TNNI3K: variants seen among roughly 807,000 people sequenced by gnomAD.
The protein encoded by TNNI3K is TNNI3 interacting kinase, also known as serine/threonine-protein kinase TNNI3K.
Under a neutral mutation model 114.5 loss-of-function variants are expected in TNNI3K, and 140 were observed. The ratio of observed to expected loss-of-function variants is 1.22; its 90% CI spans 1.07 to 1.41. TNNI3K has a LOEUF of 1.41. Among genes scored for constraint, TNNI3K ranks in the 40% most tolerant of loss-of-function variants. The probability of loss-of-function intolerance (pLI) is 0.00; values close to 1 mark genes in which losing one functional copy is unlikely to be tolerated. For missense variants in TNNI3K, 1,125 were observed against 1,007.6 expected (o/e 1.12, Z -1.58); for synonymous variants, 347 against 347.5 (o/e 1.00, Z 0.02).
At chr1:74,463,371 T>G (rs1570652310) in intron 20 of TNNI3K, 70 bp from the exon 21 acceptor site, 2 of 1,524,600 alleles carry the variant, frequency 1.3e-6, no homozygotes, top group Non-Finnish European at 1.8e-6. Flanking sequence ...TTTTTGTGTG[T>G]GTGTGTCTTC....
chr1:74,304,857 C>G (rs1421313370), intron 5 of TNNI3K, among the ~76,000 whole-genome samples: 2 of 152,112 alleles, frequency 1.3e-5, no homozygotes, highest in Non-Finnish European at 2.9e-5. Flanking sequence ...CACTGGGAAA[C>G]TAAAAAATGT....
chr1:74,244,540 A>G (rs891416550), intron 2 of TNNI3K, among the ~76,000 whole-genome samples: 1 of 151,200 alleles, frequency 6.6e-6, no homozygotes, highest in Non-Finnish European at 1.5e-5. Flanking sequence ...GGCATCTTGT[A>G]TTTTCTGTTT....
At chr1:74,451,233 C>A (rs959110520) in intron 20 of TNNI3K, among the ~76,000 whole-genome samples, 1 of 151,890 alleles carries the variant, frequency 6.6e-6, no homozygotes, top group African/African-American at 2.4e-5. Flanking sequence ...ACAATGCATA[C>A]TGGGGCCTGT....
At chr1:74,449,631 A>G (rs543515571) in intron 20 of TNNI3K, among the ~76,000 whole-genome samples, 3 of 151,862 alleles carry the variant, frequency 2.0e-5, no homozygotes, top group Admixed American at 1.3e-4. Flanking sequence ...CAGACTTTAA[A>G]CCAACAAAGA....
At chr1:74,255,564 C>T (rs1300656132) in intron 4 of TNNI3K, among the ~76,000 whole-genome samples, 3 of 152,122 alleles carry the variant, frequency 2.0e-5, no homozygotes, top group African/African-American at 7.2e-5. Flanking sequence ...TATTTAATAC[C>T]ACATGAATGA....
At position 74,249,484 on chromosome 1, in the gene TNNI3K, A is replaced by C; in HGVS notation, c.175A>C (p.Asn59His). The C allele has an allele frequency of 6.2e-7, 1 of 1,613,652 alleles. No homozygotes were observed. Among genetic ancestry groups the C allele is most frequent in the Non-Finnish European group, 8.5e-7 (1 of 1,179,808 alleles). The stretch of plus-strand genomic sequence containing the variant: ...CTCTGATGAAGCCTTCAGTAAAGTC[A>C]ATTTAAATTACCGCACTGAAAATGG... ...FGSDEAFSKV[N>H]LNYRTENGLS... The change falls in exon 3 of 25, where the codon AAT (asparagine) becomes CAT (histidine). Residue 59 changes from asparagine to histidine, a missense_variant. Coordinates refer to ENST00000326637, the MANE Select transcript of TNNI3K (RefSeq NM_015978.3).
At chr1:74,483,392 G>A (rs532842609) in intron 21 of TNNI3K, 1 of 716,442 alleles carries the variant, frequency 1.4e-6, no homozygotes, top group South Asian at 1.5e-5. Flanking sequence ...GGAAAGTAGA[G>A]GGCAATGTAT....
chr1:74,395,153 A>G (rs1664013675), intron 17 of TNNI3K, among the ~76,000 whole-genome samples: 1 of 152,138 alleles, frequency 6.6e-6, no homozygotes, highest in Non-Finnish European at 1.5e-5. Flanking sequence ...ACCAGGGACT[A>G]CTACAAGCAA....
intron 21 of TNNI3K, among the ~76,000 whole-genome samples, chr1:74,473,575 A>G (rs969368349): frequency 7.2e-5 from 11 of 151,888 alleles, no homozygotes; most frequent in African/African-American, 2.4e-4. Flanking sequence ...TTAGGCCTCA[A>G]AATTAACTTT....
intron 4 of TNNI3K, among the ~76,000 whole-genome samples, chr1:74,253,942 G>T (rs1442567947): frequency 6.6e-6 from 1 of 152,204 alleles, no homozygotes; most frequent in African/African-American, 2.4e-5. Flanking sequence ...ATTAAACCTA[G>T]TAACCATTAA....
At chr1:74,436,636 T>C in intron 19 of TNNI3K, 110 bp downstream of exon 19, 2 of 1,161,390 alleles carry the variant, frequency 1.7e-6, no homozygotes, top group Non-Finnish European at 2.4e-6. Context: ...TGTCATTGTC[T>C]CAGTGTTGGG....
At chr1:74,510,280 G>A (rs887311957) in intron 23 of TNNI3K, among the ~76,000 whole-genome samples, 2 of 152,100 alleles carry the variant, frequency 1.3e-5, no homozygotes, top group Non-Finnish European at 2.9e-5. Flanking sequence ...GCCGAGGCGG[G>A]CAGATCACGA....
chr1:74,512,186 G>C (rs1040070), intron 23 of TNNI3K, among the ~76,000 whole-genome samples: 62,172 of 152,062 alleles, frequency 0.41, 15,241 homozygotes, highest in Non-Finnish European at 0.56. Flanking sequence ...CCATAAAGGG[G>C]CATGATTTCT....
intron 7 of TNNI3K, among the ~76,000 whole-genome samples, chr1:74,337,607 C>G (rs1265774880): frequency 6.6e-6 from 1 of 151,984 alleles, no homozygotes; most frequent in East Asian, 1.9e-4. Flanking sequence ...AAATATATAA[C>G]CTGATGAATA....
At chr1:74,539,232 A>G (rs1343589311) in intron 23 of TNNI3K, among the ~76,000 whole-genome samples, 1 of 152,170 alleles carries the variant, frequency 6.6e-6, no homozygotes, top group East Asian at 1.9e-4. Flanking sequence ...AGAAGCTATT[A>G]CCAAGGAGGA....
intron 22 of TNNI3K, among the ~76,000 whole-genome samples, chr1:74,490,050 TAA>T (rs36063099): frequency 3.7e-3 from 158 of 42,902 alleles, no homozygotes; most frequent in African/African-American, 0.011. Flanking sequence ...TTTTTTTTTC[TAA>T]AAAAAAAAAA....
intron 9 of TNNI3K, among the ~76,000 whole-genome samples, chr1:74,348,483 T>C (rs1232696520): frequency 6.6e-6 from 1 of 152,224 alleles, no homozygotes; most frequent in East Asian, 1.9e-4. Context: ...CAATGCGGGC[T>C]CTTTCTTGGT....
At chr1:74,492,394 C>G in intron 23 of TNNI3K, 128 bp downstream of exon 23, 1 of 1,232,208 alleles carries the variant, frequency 8.1e-7, no homozygotes, top group Admixed American at 3.2e-5. Context: ...GAGGAGTTTT[C>G]AGCCCATTTT....
At chr1:74,251,000 C>G (rs1463362535) in intron 4 of TNNI3K, among the ~76,000 whole-genome samples, 1 of 151,938 alleles carries the variant, frequency 6.6e-6, no homozygotes, top group Non-Finnish European at 1.5e-5. Context: ...CACAAGAACC[C>G]CATGAGTGAA....
Sources: allele counts gnomAD v4.1 joint callset (sites outside exome capture counted in the v4.1 genomes callset), GRCh38; gene constraint gnomAD v4.1.1; transcripts MANE v1.5; gene names NCBI Gene and HGNC (gene_info 2026-07-23, HGNC 2026-07-21).